XXYLT1: variants seen among roughly 807,000 people sequenced by gnomAD.
XXYLT1 encodes the protein UDP-xylose:alpha-xyloside alpha-1,3-xylosyltransferase.
In XXYLT1, 20 loss-of-function variants were observed where a neutral mutation model predicts 28.9. The ratio of observed to expected loss-of-function variants is 0.69; its 90% confidence interval spans 0.49 to 1.00. The LOEUF (loss-of-function observed/expected upper bound fraction) is 1.00, where lower values mean the gene tolerates loss of function less well. XXYLT1 is among the 50% of genes least tolerant of loss of function. XXYLT1 has a pLI of 0.00. For synonymous variants in XXYLT1, 257 were observed against 253.8 expected (o/e 1.01, Z -0.12); for missense variants, 542 against 560.1 (o/e 0.97, Z 0.33).
intron 3 of XXYLT1, among the ~76,000 whole-genome samples, chr3:195,116,765 G>A (rs1718063583): frequency 6.6e-6 from 1 of 152,230 alleles, no homozygotes; most frequent in Non-Finnish European, 1.5e-5. Flanking sequence ...TAAAGGCTGA[G>A]ACGGAAACAC....
At chr3:195,198,757 C>T (rs1419735188) in intron 2 of XXYLT1, among the ~76,000 whole-genome samples, 3 of 152,086 alleles carry the variant, frequency 2.0e-5, no homozygotes, top group Non-Finnish European at 4.4e-5. Context: ...ACCAGAGAAC[C>T]GTTCTACAGT....
intron 3 of XXYLT1, among the ~76,000 whole-genome samples, chr3:195,117,644 C>T (rs6766494): frequency 0.16 from 7,763 of 47,540 alleles, 259 homozygotes; most frequent in Middle Eastern, 0.37. Flanking sequence ...ACTCCATGCA[C>T]CCCCCTCTCT....
At chr3:195,246,007 C>G (rs946775910) in intron 1 of XXYLT1, among the ~76,000 whole-genome samples, 2 of 152,214 alleles carry the variant, frequency 1.3e-5, no homozygotes, top group Non-Finnish European at 2.9e-5. Flanking sequence ...TCGGATATCT[C>G]TTTATAGCAA....
At chr3:195,206,497 G>A (rs571569713) in intron 2 of XXYLT1, among the ~76,000 whole-genome samples, 5 of 151,960 alleles carry the variant, frequency 3.3e-5, no homozygotes, top group South Asian at 2.1e-4. Flanking sequence ...AGCCAGTTGC[G>A]GTGGCTCACA....
In XXYLT1 at chr3:195,226,633, G is replaced by A; in HGVS notation, c.652+76C>T. 1.9e-6 allele frequency: 3 copies of A among 1,544,280 alleles called. No homozygotes were observed. In the South Asian group the frequency reaches 3.6e-5, roughly 19 times the overall value. On this transcript the variant is annotated intron_variant, in intron 2 of 3. Coordinates refer to ENST00000310380, the MANE Select transcript of XXYLT1 (RefSeq NM_152531.5). ...AGCTATTCTCCCTGATACAGGGCCT[G>A]GGCAGTGTTGGAACCAGGGAAATGG...
At chr3:195,182,099 TCA>T (rs1327690292) in intron 2 of XXYLT1, among the ~76,000 whole-genome samples, 1 of 152,136 alleles carries the variant, frequency 6.6e-6, no homozygotes, top group Non-Finnish European at 1.5e-5. Context: ...TAAAACCTAG[TCA>T]TCATCTTTCC....
intron 2 of XXYLT1, among the ~76,000 whole-genome samples, chr3:195,190,075 C>T (rs1416702709): frequency 1.3e-5 from 2 of 148,238 alleles, no homozygotes; most frequent in Non-Finnish European, 2.9e-5. Context: ...AAGCAAAAAG[C>T]AAAAAGAAAA....
chr3:195,102,753 G>C (rs1716862565), intron 3 of XXYLT1, among the ~76,000 whole-genome samples: 1 of 152,160 alleles, frequency 6.6e-6, no homozygotes, highest in Non-Finnish European at 1.5e-5. Context: ...TGGCTACTGT[G>C]AATAACGTTG....
At chr3:195,229,554 C>T (rs920990614) in intron 1 of XXYLT1, among the ~76,000 whole-genome samples, 1 of 152,206 alleles carries the variant, frequency 6.6e-6, no homozygotes, top group African/African-American at 2.4e-5. Context: ...CTACTTTTCC[C>T]AGCCTCTGAT....
In XXYLT1 at chr3:195,210,246, G is replaced by A. The variant is rs373375546; in HGVS notation, c.652+16463C>T. Among the ~76,000 whole-genome samples the A allele has an allele frequency of 1.3e-5, 2 of 152,272 alleles. No individual in the cohort carries two copies. The highest frequency in any genetic ancestry group is 1.9e-4 in the East Asian group (1 of 5,176). ...TCCGTGCAAACAACCCCCACACCCC[G>A]CTGAAGTCAGGACAGGACAGGACGC... On this transcript the variant is annotated intron_variant, in intron 2 of 3. Coordinates refer to ENST00000310380, the MANE Select transcript of XXYLT1 (RefSeq NM_152531.5). The surrounding 1 kb of genome is among the most constrained non-coding windows in gnomAD (Gnocchi z 4.8).
intron 1 of XXYLT1, 63 bp downstream of exon 1, chr3:195,270,492 A>C (rs7640100): frequency 0.85 from 1,144,196 of 1,347,224 alleles, 486,614 homozygotes; most frequent in East Asian, 0.93. Flanking sequence ...CGGGAGCGCA[A>C]ACTGACCTCG....
intron 3 of XXYLT1, among the ~76,000 whole-genome samples, chr3:195,144,761 T>G (rs1353121714): frequency 1.3e-5 from 2 of 152,172 alleles, no homozygotes; most frequent in Non-Finnish European, 2.9e-5. Context: ...GAAGTGTGTT[T>G]CCTTGATCCT....
chr3:195,220,119 G>A (rs1723756132), intron 2 of XXYLT1, among the ~76,000 whole-genome samples: 1 of 152,082 alleles, frequency 6.6e-6, no homozygotes, highest in African/African-American at 2.4e-5. Context: ...GATATATGAA[G>A]CATTTTTGGC....
chr3:195,219,725 A>T (rs1723737276), intron 2 of XXYLT1, among the ~76,000 whole-genome samples: 1 of 152,210 alleles, frequency 6.6e-6, no homozygotes, highest in Non-Finnish European at 1.5e-5. Flanking sequence ...CTTGAAAGAG[A>T]CCAACCATCT....
At chr3:195,252,959 C>T (rs959735664) in intron 1 of XXYLT1, among the ~76,000 whole-genome samples, 1 of 152,074 alleles carries the variant, frequency 6.6e-6, no homozygotes, top group African/African-American at 2.4e-5. Flanking sequence ...AACAAAATTC[C>T]CCTGCTCTAT....
intron 3 of XXYLT1, among the ~76,000 whole-genome samples, chr3:195,100,195 T>C (rs898434722): frequency 7.2e-5 from 11 of 152,208 alleles, no homozygotes; most frequent in Non-Finnish European, 1.6e-4. Context: ...CCCAGCCATG[T>C]CTGTCCCTCC....
chr3:195,200,817 G>A (rs944429787), intron 2 of XXYLT1, among the ~76,000 whole-genome samples: 1 of 152,156 alleles, frequency 6.6e-6, no homozygotes, highest in Admixed American at 6.5e-5. Context: ...GCTGGGCTCT[G>A]GCCTGTGGTC....
intron 2 of XXYLT1, among the ~76,000 whole-genome samples, chr3:195,222,471 C>T (rs1437672510): frequency 6.6e-6 from 1 of 152,186 alleles, no homozygotes; most frequent in Non-Finnish European, 1.5e-5. Flanking sequence ...CAACCCTGGG[C>T]GGCTGGGGGT....
At position 195,178,368 on chromosome 3, in the gene XXYLT1, G is replaced by C. The variant is rs77063791; in HGVS notation, c.653-21787C>G. Among the ~76,000 whole-genome samples the C allele has an allele frequency of 4.7e-3, 718 of 152,256 alleles. 24 individuals are homozygous for C. The highest frequency in any genetic ancestry group is 0.034 in the East Asian group (174 of 5,172). The stretch of plus-strand genomic sequence containing the variant: ...TTCTCTTCCCTGTCTTTCATTTTCA[G>C]ACCAGCTTGAGAAGCCGGCCCTGCT... On this transcript the variant is annotated intron_variant, in intron 2 of 3. Coordinates refer to ENST00000310380, the MANE Select transcript of XXYLT1 (RefSeq NM_152531.5).
Sources: gnomAD v4.1 joint callset for allele counts (sites outside exome capture counted in the v4.1 genomes callset) on GRCh38, gnomAD v4.1.1 for gene constraint, Gnocchi (gnomAD v3.1) non-coding constraint, MANE v1.5 for transcripts, NCBI Gene and HGNC (gene_info 2026-07-23, HGNC 2026-07-21) for gene names.